Variants in RIPOR3 observed in about 807,000 individuals in gnomAD.
RIPOR3 encodes the protein RIPOR family member 3.
A neutral mutation model predicts 114.3 loss-of-function variants in RIPOR3; 95 were observed. That is an observed-to-expected ratio of 0.83 (90% CI 0.70 to 0.99). The LOEUF is 0.99. RIPOR3 is among the 50% of genes least tolerant of loss of function. RIPOR3 has a pLI of 0.00. For missense variants in RIPOR3, 1,252 were observed against 1,266.9 expected, an observed-to-expected ratio of 0.99 and a Z score of 0.18; for synonymous variants, 575 against 543.8, an observed-to-expected ratio of 1.06 and a Z score of -0.80.
chr20:50,601,007 T>A (rs936756193), intron 13 of RIPOR3, among the ~76,000 whole-genome samples: 3 of 152,186 alleles, frequency 2.0e-5, no homozygotes, highest in Non-Finnish European at 4.4e-5. Context: ...AAGTGTATCT[T>A]ACACAAAAGA....
At chr20:50,625,914 C>T (rs1351373466) in intron 2 of RIPOR3, among the ~76,000 whole-genome samples, 2 of 152,202 alleles carry the variant, frequency 1.3e-5, no homozygotes, top group Non-Finnish European at 2.9e-5. Context: ...GTTACTTCCC[C>T]AAGTGAGCCA....
In RIPOR3 at chr20:50,594,667, C is replaced by CT; in HGVS notation, c.2097dup (p.Gly700ArgfsTer81). 6.2e-7 allele frequency: 1 copy of CT among 1,613,666 alleles called. No homozygotes were observed. The highest frequency in any genetic ancestry group is 8.5e-7 in the Non-Finnish European group (1 of 1,179,804). On this transcript the variant is annotated frameshift_variant, in exon 17 of 22. Transcript: ENST00000327979. LOFTEE classifies it high-confidence loss of function. ...AGGACCCTGCCAGGCCCTGTGCACC[C>CT]TCTCCACAGCTTCAGGCACCCCTTC...
intron 1 of RIPOR3, among the ~76,000 whole-genome samples, chr20:50,677,927 C>G (rs1283089446): frequency 6.6e-6 from 1 of 152,042 alleles, no homozygotes; most frequent in African/African-American, 2.4e-5. Context: ...GTCCCGACCT[C>G]CCAAAGTGCT....
rs1433682723 is a variant in RIPOR3, at chr20:50,620,147, G to A, written c.123-15C>T. ...TGATGGACTTTCTGTGAGAAGGGTTGGAGGGCAAGAGAAGTCAGAGAAGGG... is the reference window on the plus strand; with the variant it reads ...TGATGGACTTTCTGTGAGAAGGGTTAGAGGGCAAGAGAAGTCAGAGAAGGG... On this transcript the variant is annotated splice_polypyrimidine_tract_variant and intron_variant, in intron 2 of 21. Transcript: ENST00000327979. The A allele has an allele frequency of 1.2e-6, 2 of 1,612,350 alleles. No individual in the cohort carries two copies. The highest frequency in any genetic ancestry group is 2.2e-5 in the East Asian group (1 of 44,862).
intron 1 of RIPOR3, among the ~76,000 whole-genome samples, chr20:50,642,816 A>G (rs1307657277): frequency 6.6e-6 from 1 of 152,110 alleles, no homozygotes; most frequent in Non-Finnish European, 1.5e-5. Context: ...TGGGAGGTCA[A>G]AGCGGGCAGA....
At chr20:50,651,726 C>A (rs1041662307) in intron 1 of RIPOR3, among the ~76,000 whole-genome samples, 2 of 152,140 alleles carry the variant, frequency 1.3e-5, no homozygotes, top group African/African-American at 4.8e-5. Context: ...GGGTATGCAT[C>A]GTAAGGACAC....
chr20:50,616,805 G>A (rs1227791854), intron 3 of RIPOR3, among the ~76,000 whole-genome samples: 2 of 152,098 alleles, frequency 1.3e-5, no homozygotes, highest in African/African-American at 4.8e-5. Context: ...TCCCAAGCTG[G>A]GGCCCAGCTC....
chr20:50,657,630 A>G (rs1264930469), intron 1 of RIPOR3, among the ~76,000 whole-genome samples: 1 of 152,086 alleles, frequency 6.6e-6, no homozygotes, highest in African/African-American at 2.4e-5. Context: ...GCAAAATGAC[A>G]TCTCATTCTT....
At chr20:50,635,365 A>G (rs544723435) in intron 1 of RIPOR3, among the ~76,000 whole-genome samples, 1 of 152,256 alleles carries the variant, frequency 6.6e-6, no homozygotes, top group Admixed American at 6.5e-5. Flanking sequence ...AAGGAAACCG[A>G]GGCTCATGCC....
intron 6 of RIPOR3, 40 bp from the exon 7 acceptor site, chr20:50,609,762 A>G: frequency 7.4e-7 from 1 of 1,352,286 alleles, no homozygotes; most frequent in African/African-American, 1.5e-5. Flanking sequence ...GCCCACGCGG[A>G]GGGGCGGCCC....
At chr20:50,637,304 C>T (rs1206398109) in intron 1 of RIPOR3, among the ~76,000 whole-genome samples, 1 of 152,086 alleles carries the variant, frequency 6.6e-6, no homozygotes, top group Non-Finnish European at 1.5e-5. Flanking sequence ...CCCCTCCAGC[C>T]TTTGCCCTGG....
intron 4 of RIPOR3, among the ~76,000 whole-genome samples, chr20:50,611,902 T>C (rs533918382): frequency 2.0e-5 from 3 of 152,114 alleles, no homozygotes; most frequent in Non-Finnish European, 4.4e-5. Context: ...GGTGGTCAGA[T>C]CACTTGAGGT....
At chr20:50,612,555 A>G (rs905002187) in intron 4 of RIPOR3, among the ~76,000 whole-genome samples, 1 of 152,208 alleles carries the variant, frequency 6.6e-6, no homozygotes, top group African/African-American at 2.4e-5. Context: ...GAGAGTATGT[A>G]AATTGACATT....
intron 18 of RIPOR3, 143 bp downstream of exon 18, chr20:50,592,892 G>A (rs1441431816): frequency 8.0e-6 from 9 of 1,125,750 alleles, no homozygotes; most frequent in Admixed American, 4.2e-5. Context: ...TCGGCTGAAC[G>A]CAGAATCTCA....
At chr20:50,640,633 C>A (rs2085157274) in intron 1 of RIPOR3, among the ~76,000 whole-genome samples, 1 of 148,908 alleles carries the variant, frequency 6.7e-6, no homozygotes, top group South Asian at 2.1e-4. Flanking sequence ...GACCCTGCCC[C>A]CCTCCGCAGG....
At chr20:50,630,173 G>C (rs1186476866) in intron 2 of RIPOR3, among the ~76,000 whole-genome samples, 1 of 152,160 alleles carries the variant, frequency 6.6e-6, no homozygotes, top group Non-Finnish European at 1.5e-5. Context: ...TCACCGTGTT[G>C]GCCAGGGTGG....
intron 1 of RIPOR3, among the ~76,000 whole-genome samples, chr20:50,674,217 T>A (rs1233248718): frequency 6.6e-6 from 1 of 152,054 alleles, no homozygotes; most frequent in Non-Finnish European, 1.5e-5. Context: ...GCTCTTGGGA[T>A]GGGATTGGAG....
At chr20:50,667,607 T>C (rs2086299534) in intron 1 of RIPOR3, among the ~76,000 whole-genome samples, 3 of 152,144 alleles carry the variant, frequency 2.0e-5, no homozygotes, top group Admixed American at 2.0e-4. Flanking sequence ...TTTAAGTTCT[T>C]AACACGTCCT....
intron 1 of RIPOR3, chr20:50,636,786 C>G: frequency 1.0e-6 from 1 of 985,450 alleles, no homozygotes; most frequent in Non-Finnish European, 1.2e-6. Flanking sequence ...TAAGTCTGTC[C>G]GCTCACTGCT....
Sources: gnomAD v4.1 joint callset for allele counts (sites outside exome capture counted in the v4.1 genomes callset) on GRCh38, gnomAD v4.1.1 for gene constraint, MANE v1.5 for transcripts, NCBI Gene and HGNC (gene_info 2026-07-23, HGNC 2026-07-21) for gene names.